MED12L: variants seen among roughly 807,000 people sequenced by gnomAD.
The protein encoded by MED12L is mediator of RNA polymerase II transcription subunit 12-like protein.
MED12L carries 60 observed loss-of-function variants against 281.3 expected under a neutral mutation model. The observed-to-expected ratio is 0.21, with a 90% CI of 0.17 to 0.26. The LOEUF is 0.26. MED12L is among the 10% of genes least tolerant of loss of function. MED12L has a pLI of 1.00. For synonymous variants in MED12L, 974 were observed against 987.2 expected (o/e 0.99, Z 0.25); for missense variants, 2,146 against 2,680.9 (o/e 0.80, Z 4.41).
chr3:151,309,114 T>TAC (rs1553775101), intron 16 of MED12L, among the ~76,000 whole-genome samples: 17,059 of 137,950 alleles, frequency 0.12, 1,213 homozygotes, highest in East Asian at 0.34. Flanking sequence ...TTTCATGAAA[T>TAC]ACACGCACAC....
intron 16 of MED12L, among the ~76,000 whole-genome samples, chr3:151,206,096 C>T (rs1267483218): frequency 2.4e-5 from 3 of 123,904 alleles, no homozygotes; most frequent in Non-Finnish European, 5.0e-5. Context: ...TTTTTTTGCA[C>T]ATAATATTCT....
intron 8 of MED12L, 60 bp downstream of exon 8, chr3:151,160,161 G>T: frequency 7.0e-7 from 1 of 1,428,266 alleles, no homozygotes; most frequent in Non-Finnish European, 9.4e-7. Flanking sequence ...GATTGAGTTG[G>T]GAATGGCATT....
chr3:151,412,635 A>G (rs1408434866), intron 41 of MED12L, among the ~76,000 whole-genome samples: 1 of 152,236 alleles, frequency 6.6e-6, no homozygotes, highest in Non-Finnish European at 1.5e-5. Context: ...TACAATTTTT[A>G]TAATAAATAG....
At chr3:151,168,594 A>T (rs1354283396) in intron 11 of MED12L, among the ~76,000 whole-genome samples, 1 of 152,246 alleles carries the variant, frequency 6.6e-6, no homozygotes, top group Admixed American at 6.5e-5. Flanking sequence ...CTTCAGAAAG[A>T]CTTGATGAAA....
intron 21 of MED12L, among the ~76,000 whole-genome samples, chr3:151,363,612 C>T (rs1214826755): frequency 6.6e-6 from 1 of 152,162 alleles, no homozygotes; most frequent in Non-Finnish European, 1.5e-5. Context: ...ACAACCAACA[C>T]ATTTTTTAAA....
At chr3:151,160,134 A>G (rs771556803) in intron 8 of MED12L, 33 bp downstream of exon 8, 2 of 1,479,104 alleles carry the variant, frequency 1.4e-6, no homozygotes, top group South Asian at 3.0e-5. Context: ...TTTATGTTAA[A>G]ATTCAATGTG....
chr3:151,358,675 G>A (rs1334784552), intron 20 of MED12L, among the ~76,000 whole-genome samples: 1 of 152,004 alleles, frequency 6.6e-6, no homozygotes, highest in Non-Finnish European at 1.5e-5. Flanking sequence ...AATCATATTT[G>A]ACATTAACTT....
chr3:151,307,451 G>C (rs1746810353), intron 16 of MED12L, among the ~76,000 whole-genome samples: 1 of 151,792 alleles, frequency 6.6e-6, no homozygotes, highest in Non-Finnish European at 1.5e-5. Flanking sequence ...TAGTTTTGCT[G>C]GTACATGTAG....
intron 16 of MED12L, among the ~76,000 whole-genome samples, chr3:151,196,218 A>G (rs1395392999): frequency 6.6e-6 from 1 of 152,248 alleles, no homozygotes; most frequent in African/African-American, 2.4e-5. Flanking sequence ...TCATGAAAGA[A>G]CTGCTAGACA....
At chr3:151,251,859 C>T (rs950743756) in intron 16 of MED12L, among the ~76,000 whole-genome samples, 4 of 152,166 alleles carry the variant, frequency 2.6e-5, no homozygotes, top group Non-Finnish European at 5.9e-5. Flanking sequence ...TATCCACATG[C>T]CACCTGATCT....
At chr3:151,291,682 A>G (rs1029850259) in intron 16 of MED12L, among the ~76,000 whole-genome samples, 3 of 152,236 alleles carry the variant, frequency 2.0e-5, no homozygotes, top group Non-Finnish European at 4.4e-5. Flanking sequence ...ATTTTATTCA[A>G]TATTAATAGA....
rs772240366 is a variant in MED12L, at chr3:151,161,084, G to T, written c.1107+983G>T. Among the ~76,000 whole-genome samples the T allele has an allele frequency of 4.2e-4, 64 of 152,214 alleles. 1 individual carries two copies. Among genetic ancestry groups the T allele is most frequent in the Non-Finnish European group, 1.0e-4 (7 of 68,038 alleles). ...GGGCCTTATGATTGAGGTGTCATCA[G>T]AGGGTTTTATGCAGCAAAGTGACAC... On this transcript the variant is annotated intron_variant, in intron 8 of 44. Transcript: ENST00000687756.
intron 3 of MED12L, among the ~76,000 whole-genome samples, chr3:151,119,302 T>C (rs1333822564): frequency 1.4e-5 from 2 of 143,588 alleles, no homozygotes; most frequent in South Asian, 2.2e-4. Flanking sequence ...TATAACAAAA[T>C]ACTTCAGACT....
rs537821753 is a variant in MED12L, at chr3:151,327,154, T to C, written c.2251-22905T>C. 3.9e-5 allele frequency: 6 copies of C among 152,248 alleles called. No individual in the cohort carries two copies. The South Asian group carries it at 1.2e-3, about 32-fold the overall frequency. 9.4% of individuals were successfully genotyped at this position (152,248 alleles called of 1,614,324 possible). A position where few individuals can be genotyped will look rare whatever the true frequency, so the allele number is the denominator to read the frequency against. ...GCTAACTAGAAAAGGGAGATCTGCATTGAGAACCCTATCACACACCCAAAC... is the reference window on the plus strand; with the variant it reads ...GCTAACTAGAAAAGGGAGATCTGCACTGAGAACCCTATCACACACCCAAAC... On this transcript the variant is annotated intron_variant, in intron 16 of 44. Coordinates refer to ENST00000687756, the MANE Select transcript of MED12L (RefSeq NM_001393769.1).
intron 16 of MED12L, chr3:151,294,851 A>G (rs752841652): frequency 3.1e-6 from 5 of 1,613,998 alleles, no homozygotes; most frequent in African/African-American, 1.3e-5. Context: ...TATCAGCCCA[A>G]GGAACACGAT....
chr3:151,171,554 T>C (rs1192916936), intron 11 of MED12L, among the ~76,000 whole-genome samples: 3 of 152,206 alleles, frequency 2.0e-5, no homozygotes, highest in South Asian at 2.1e-4. Context: ...GTTTCCTCCT[T>C]CCCTGCTGCT....
chr3:151,252,064 T>A (rs1736953169), intron 16 of MED12L, among the ~76,000 whole-genome samples: 1 of 152,216 alleles, frequency 6.6e-6, no homozygotes, highest in African/African-American at 2.4e-5. Flanking sequence ...TACTTTCAGA[T>A]GCAGTTGGCC....
chr3:151,198,107 G>A (rs536875281), intron 16 of MED12L: 12 of 181,106 alleles, frequency 6.6e-5, no homozygotes, highest in Non-Finnish European at 1.0e-4. Flanking sequence ...GCATTTAAAT[G>A]AATAACTCAT....
chr3:151,352,586 G>A (rs902811729), intron 17 of MED12L, among the ~76,000 whole-genome samples: 1 of 152,152 alleles, frequency 6.6e-6, no homozygotes, highest in Non-Finnish European at 1.5e-5. Context: ...AACAGACCTT[G>A]TGTTAGCATG....
Sources: allele counts gnomAD v4.1 joint callset (sites outside exome capture counted in the v4.1 genomes callset), GRCh38; gene constraint gnomAD v4.1.1; transcripts MANE v1.5; gene names NCBI Gene and HGNC (gene_info 2026-07-23, HGNC 2026-07-21).